The following MON2 variants were observed in gnomAD, a reference collection of about 807,000 sequenced individuals.
The protein encoded by MON2 is protein MON2 homolog.
Under a neutral mutation model 208.6 loss-of-function variants are expected in MON2, and 84 were observed. That is an observed-to-expected ratio of 0.40 (90% CI 0.34 to 0.48). The LOEUF is 0.48. Among genes scored for constraint, MON2 ranks in the 20% least tolerant of loss-of-function variants. The pLI is 0.59. For missense variants in MON2, 1,611 were observed against 2,015.4 expected, an observed-to-expected ratio of 0.80 and a Z score of 3.84; for synonymous variants, 660 against 694.0, an observed-to-expected ratio of 0.95 and a Z score of 0.77.
At chr12:62,489,229 C>T (rs1339451508) in intron 2 of MON2, among the ~76,000 whole-genome samples, 1 of 152,018 alleles carries the variant, frequency 6.6e-6, no homozygotes. Context: ...CCTTTACCAA[C>T]AATAAGTGAG....
chr12:62,560,728 G>A lies in MON2; in HGVS notation c.3647G>A (p.Gly1216Glu), dbSNP rs555507781. ...CCATTTGTAAGAACAGATTCCATTG[G>A]AGAAAAACTAGGAAGATATAGTAGC... ...SRPFVRTDSI[G>E]EKLGRYSSSE... The change falls in exon 26 of 35, where the codon GGA becomes GAA. Residue 1216 changes from glycine to glutamate, a missense_variant. Transcript: ENST00000393630. 6.2e-7 allele frequency: 1 copy of A among 1,614,096 alleles called. No individual in the cohort carries two copies. Among genetic ancestry groups the A allele is most frequent in the African/African-American group, 1.3e-5 (1 of 75,030 alleles).
intron 1 of MON2, among the ~76,000 whole-genome samples, chr12:62,481,227 T>TA (rs2069408040): frequency 6.6e-6 from 1 of 152,110 alleles, no homozygotes; most frequent in Non-Finnish European, 1.5e-5. Context: ...TGAAGATTTT[T>TA]AAAAATACTG....
intron 8 of MON2, among the ~76,000 whole-genome samples, chr12:62,513,865 GC>G (rs2071546618): frequency 6.8e-6 from 1 of 146,012 alleles, no homozygotes. Context: ...CAGGAGAATG[GC>G]ATGAACCCAG....
intron 8 of MON2, among the ~76,000 whole-genome samples, chr12:62,517,420 G>A (rs1398552667): frequency 1.3e-5 from 2 of 151,926 alleles, no homozygotes; most frequent in East Asian, 3.9e-4. Context: ...GATGCTATGG[G>A]TTGAACTATA....
chr12:62,580,333 G>A lies in MON2; in HGVS notation c.4612G>A (p.Ala1538Thr). The change falls in exon 32 of 35, where the codon GCC (alanine) becomes ACC (threonine). Residue 1538 changes from alanine to threonine, a missense_variant. By Grantham distance (58) the Ala-to-Thr change is moderately conservative. Transcript: ENST00000393630. ...QLISNEILPY[A>T]NFIPKEFVGQ... is the part of the protein sequence containing the mutation. ...TATCAGCAATGAGATACTACCTTAT[G>A]CCAATTTTATTCCTAAGGAATTTGT... is the stretch of plus-strand genomic sequence containing the variant. 8.1e-6 allele frequency: 13 copies of A among 1,610,014 alleles called. No homozygotes were observed. Among genetic ancestry groups the A allele is most frequent in the Non-Finnish European group, 1.1e-5 (13 of 1,176,850 alleles).
rs1291450784 is a variant in MON2 at position 62,588,811 on chromosome 12, A to C, written c.4990+655A>C. On this transcript the variant is annotated intron_variant, in intron 34 of 34. Transcript: ENST00000393630. ...TACTCTGCACTAAACTAAAATTCTC[A>C]ATCTTCCCAAATTTTTTCAACCTTT... The C allele has an allele frequency of 1.4e-5, 17 of 1,223,780 alleles. No homozygotes were observed. The South Asian group carries it at 1.7e-4, about 12-fold the overall frequency. 75.8% of individuals were successfully genotyped at this position (1,223,780 alleles called of 1,614,324 possible).
chr12:62,564,731 C>G (rs2074315811), intron 26 of MON2, among the ~76,000 whole-genome samples: 1 of 152,042 alleles, frequency 6.6e-6, no homozygotes, highest in African/African-American at 2.4e-5. Context: ...AAAAATTAAT[C>G]CATACATTTC....
chr12:62,505,723 A>G (rs2071064076), intron 7 of MON2, among the ~76,000 whole-genome samples: 1 of 145,990 alleles, frequency 6.8e-6, no homozygotes. Context: ...TCTACGAAAA[A>G]TTAAAAAAAA....
intron 2 of MON2, among the ~76,000 whole-genome samples, chr12:62,485,110 C>T (rs1294246992): frequency 6.6e-6 from 1 of 152,048 alleles, no homozygotes; most frequent in Admixed American, 6.6e-5. Flanking sequence ...TGTTCAGGAG[C>T]CCATGTTCTT....
At chr12:62,551,677 T>C (rs1372433064) in intron 23 of MON2, among the ~76,000 whole-genome samples, 1 of 152,208 alleles carries the variant, frequency 6.6e-6, no homozygotes, top group Non-Finnish European at 1.5e-5. Context: ...TACAATTATC[T>C]GTGAAGCACA....
intron 1 of MON2, among the ~76,000 whole-genome samples, chr12:62,477,571 C>A (rs1462145651): frequency 6.7e-6 from 1 of 150,218 alleles, no homozygotes; most frequent in Non-Finnish European, 1.5e-5. Context: ...CACACCACCA[C>A]GTTTGCCTAA....
intron 4 of MON2, among the ~76,000 whole-genome samples, chr12:62,496,916 A>C (rs1161416377): frequency 2.0e-5 from 3 of 147,034 alleles, no homozygotes; most frequent in Non-Finnish European, 4.5e-5. Context: ...CCAAATGTCC[A>C]ACAATGATAG....
At chr12:62,496,976 C>T (rs1376128550) in intron 4 of MON2, among the ~76,000 whole-genome samples, 1 of 144,344 alleles carries the variant, frequency 6.9e-6, no homozygotes, top group Non-Finnish European at 1.5e-5. Flanking sequence ...ACTATGCAGC[C>T]ATAAAAAATG....
intron 1 of MON2, among the ~76,000 whole-genome samples, chr12:62,469,881 ATTTT>A (rs1565946196): frequency 1.5e-5 from 2 of 130,128 alleles, no homozygotes. Context: ...CTTGACTATT[ATTTT>A]ATTTATTTAT....
intron 7 of MON2, among the ~76,000 whole-genome samples, chr12:62,507,830 A>G (rs924153819): frequency 2.6e-5 from 4 of 152,122 alleles, no homozygotes; most frequent in African/African-American, 9.7e-5. Flanking sequence ...GGGCAGTGGC[A>G]TGATCACGGC....
intron 7 of MON2, among the ~76,000 whole-genome samples, chr12:62,503,883 C>T (rs1482245674): frequency 1.3e-5 from 2 of 152,154 alleles, no homozygotes; most frequent in Non-Finnish European, 2.9e-5. Flanking sequence ...TGTAAAATGG[C>T]AACCTTTTTT....
rs1376422636 is a variant in MON2, at chr12:62,470,941, TA to T, written c.111+3629del. On this transcript the variant is annotated intron_variant, in intron 1 of 34. Coordinates refer to ENST00000393630, the MANE Select transcript of MON2 (RefSeq NM_015026.3). ...AGACTGAAGCAAAGAGAGCAAAGTT[TA>T]AAAAATGATGATTCTCTGTTTTGAA... is the stretch of plus-strand genomic sequence containing the variant. Among the ~76,000 whole-genome samples, 8 of 152,272 alleles carry T rather than the reference TA, an allele frequency of 5.3e-5. No homozygotes were observed. The South Asian group carries it at 1.7e-3, about 32-fold the overall frequency.
At chr12:62,579,778 T>C (rs2074935799) in intron 31 of MON2, among the ~76,000 whole-genome samples, 1 of 152,174 alleles carries the variant, frequency 6.6e-6, no homozygotes, top group South Asian at 2.1e-4. Context: ...CATTATCATA[T>C]GGAAACAAAA....
chr12:62,528,624 A>G (rs1291048930), intron 11 of MON2, among the ~76,000 whole-genome samples: 2 of 152,212 alleles, frequency 1.3e-5, no homozygotes, highest in Non-Finnish European at 2.9e-5. Flanking sequence ...TCTAGTGCTT[A>G]AAGTCTGTGC....
Sources: gnomAD v4.1 joint callset for allele counts (sites outside exome capture counted in the v4.1 genomes callset) on GRCh38, gnomAD v4.1.1 for gene constraint, MANE v1.5 for transcripts, NCBI Gene and HGNC (gene_info 2026-07-23, HGNC 2026-07-21) for gene names.